NCOA1: variants seen among roughly 807,000 people sequenced by gnomAD.
NCOA1 encodes Hin-2 protein.
NCOA1 carries 35 observed loss-of-function variants against 150.9 expected under a neutral mutation model. That is an observed-to-expected ratio of 0.23 (90% CI 0.18 to 0.31). NCOA1 has a LOEUF of 0.31. NCOA1 is among the 10% of genes least tolerant of loss of function. The pLI is 1.00. For synonymous variants in NCOA1, 590 were observed against 630.0 expected, an observed-to-expected ratio of 0.94 and a Z score of 0.95; for missense variants, 1,491 against 1,749.3, an observed-to-expected ratio of 0.85 and a Z score of 2.63.
Position 24,664,189 on chromosome 2 carries a change from CTTG to C in NCOA1, c.90-1555_90-1553del, listed in dbSNP as rs564442838. On this transcript the variant is annotated intron_variant, in intron 5 of 22. Transcript: ENST00000348332. ...TTGTCAAAATATCTTGCTGCATTTT[CTTG>C]TTGTGGGAGTTATAAAATACAATTT... is the stretch of plus-strand genomic sequence containing the variant. 5.9e-4 allele frequency among the ~76,000 whole-genome samples: 90 copies of C among 152,260 alleles called. 1 individual carries two copies. Among genetic ancestry groups the C allele is most frequent in the African/African-American group, 2.0e-3 (84 of 41,534 alleles).
chr2:24,551,503 A>G (rs1384112332), intron 1 of NCOA1, among the ~76,000 whole-genome samples: 2 of 152,148 alleles, frequency 1.3e-5, no homozygotes, highest in Non-Finnish European at 2.9e-5. Context: ...TGTGTTTTTA[A>G]GCATCATATA....
intron 4 of NCOA1, among the ~76,000 whole-genome samples, chr2:24,656,012 C>T (rs571590397): frequency 2.4e-4 from 36 of 147,550 alleles, no homozygotes; most frequent in African/African-American, 8.5e-4. Flanking sequence ...GGCGTGAACC[C>T]GGGAGGCGGA....
At chr2:24,699,540 T>C (rs1673054073) in intron 11 of NCOA1, among the ~76,000 whole-genome samples, 1 of 152,212 alleles carries the variant, frequency 6.6e-6, no homozygotes. Context: ...TCATTTTTAA[T>C]GTTCCCTCAT....
chr2:24,621,854 T>G (rs1163817037), intron 3 of NCOA1, among the ~76,000 whole-genome samples: 4 of 152,198 alleles, frequency 2.6e-5, no homozygotes, highest in African/African-American at 9.7e-5. Context: ...TCTCTGTCTT[T>G]CTGTATCCTA....
At chr2:24,560,093 T>C (rs1013189526) in intron 1 of NCOA1, among the ~76,000 whole-genome samples, 2 of 152,158 alleles carry the variant, frequency 1.3e-5, no homozygotes, top group Non-Finnish European at 2.9e-5. Context: ...TACTAATCTT[T>C]CTTGTGAGCA....
intron 2 of NCOA1, among the ~76,000 whole-genome samples, chr2:24,572,829 G>T (rs919185339): frequency 6.6e-6 from 1 of 152,082 alleles, no homozygotes; most frequent in Non-Finnish European, 1.5e-5. Flanking sequence ...TTATTGAGTG[G>T]CATAGCTATT....
chr2:24,512,218 G>T (rs559483159), intron 1 of NCOA1, among the ~76,000 whole-genome samples: 20 of 152,312 alleles, frequency 1.3e-4, no homozygotes, highest in Admixed American at 2.0e-4. Flanking sequence ...GTTCACTGAA[G>T]TGTGTTGTAC....
chr2:24,510,542 T>C (rs1663892358), intron 1 of NCOA1, among the ~76,000 whole-genome samples: 1 of 151,952 alleles, frequency 6.6e-6, no homozygotes, highest in Admixed American at 6.5e-5. Flanking sequence ...GGGTTCTCCC[T>C]GTGTTGCCCA....
At chr2:24,514,966 A>C (rs906984757) in intron 1 of NCOA1, among the ~76,000 whole-genome samples, 3 of 152,188 alleles carry the variant, frequency 2.0e-5, no homozygotes, top group African/African-American at 7.2e-5. Flanking sequence ...GATGGTACGG[A>C]TTCATTGGAT....
chr2:24,554,484 T>TA (rs1665989849), intron 1 of NCOA1: 1 of 152,060 alleles, frequency 6.6e-6, no homozygotes, highest in African/African-American at 2.4e-5. Context: ...GGACAGGAGA[T>TA]ACGGCAATCG....
At chr2:24,609,780 C>T (rs1286233182) in intron 3 of NCOA1, among the ~76,000 whole-genome samples, 1 of 151,384 alleles carries the variant, frequency 6.6e-6, no homozygotes, top group East Asian at 1.9e-4. Context: ...ACATTTAGCT[C>T]AGTTTTCAGT....
intron 1 of NCOA1, among the ~76,000 whole-genome samples, chr2:24,526,706 C>G (rs1664667547): frequency 7.1e-6 from 1 of 140,940 alleles, no homozygotes. Context: ...AAGAGCGAGA[C>G]CCTTTCTCAA....
chr2:24,767,954 TACTC>T lies in NCOA1; in HGVS notation c.4156-263_4156-260del. On this transcript the variant is annotated intron_variant, in intron 22 of 22. Coordinates refer to ENST00000348332, the MANE Select transcript of NCOA1 (RefSeq NM_003743.5). ...CCAATCTTGGCAACATTAGCAATGATACTCACTTTCAGTATTGATGGCAACCCTA... is the reference window on the plus strand; with the variant it reads ...CCAATCTTGGCAACATTAGCAATGATACTTTCAGTATTGATGGCAACCCTA... 5.9e-6 allele frequency: 5 copies of T among 851,956 alleles called. No individual in the cohort carries two copies. In the South Asian group the frequency reaches 8.5e-5, roughly 14 times the overall value. The allele number at this position is 851,956 out of a possible 1,614,324, so 52.8% of individuals were successfully genotyped here.
chr2:24,528,108 A>G (rs1456876581), intron 1 of NCOA1, among the ~76,000 whole-genome samples: 1 of 152,068 alleles, frequency 6.6e-6, no homozygotes, highest in Admixed American at 6.5e-5. Context: ...TTTCTTCCCA[A>G]TCCATAAGTT....
chr2:24,591,518 A>G (rs1382484293), intron 3 of NCOA1, among the ~76,000 whole-genome samples: 1 of 152,142 alleles, frequency 6.6e-6, no homozygotes, highest in South Asian at 2.1e-4. Context: ...AGCTTCCATT[A>G]TTACTATTTG....
intron 14 of NCOA1, among the ~76,000 whole-genome samples, chr2:24,716,502 A>C (rs958033594): frequency 6.6e-6 from 1 of 152,208 alleles, no homozygotes; most frequent in African/African-American, 2.4e-5. Context: ...TCTATGTAGA[A>C]AAAAATGAAC....
chr2:24,594,494 G>A (rs1667807865), intron 3 of NCOA1, among the ~76,000 whole-genome samples: 1 of 152,060 alleles, frequency 6.6e-6, no homozygotes, highest in African/African-American at 2.4e-5. Context: ...CTGGTTCCCT[G>A]GGGACACTCT....
At chr2:24,634,499 T>G (rs1252237871) in intron 3 of NCOA1, among the ~76,000 whole-genome samples, 1 of 152,202 alleles carries the variant, frequency 6.6e-6, no homozygotes, top group Non-Finnish European at 1.5e-5. Flanking sequence ...CATCTGATTC[T>G]TAAATGGGAA....
At chr2:24,519,121 A>G (rs977785574) in intron 1 of NCOA1, among the ~76,000 whole-genome samples, 4 of 152,244 alleles carry the variant, frequency 2.6e-5, no homozygotes, top group Non-Finnish European at 5.9e-5. Flanking sequence ...GTTTCAAGAC[A>G]GACAAGTAGA....
Sources: allele counts gnomAD v4.1 joint callset (sites outside exome capture counted in the v4.1 genomes callset), GRCh38; gene constraint gnomAD v4.1.1; transcripts MANE v1.5; gene names NCBI Gene and HGNC (gene_info 2026-07-23, HGNC 2026-07-21).